DLGAP2: variants seen among roughly 807,000 people sequenced by gnomAD.
The protein encoded by DLGAP2 is disks large-associated protein 2.
Under a neutral mutation model 100.3 loss-of-function variants are expected in DLGAP2, and 26 were observed. The ratio of observed to expected loss-of-function variants is 0.26; its 90% CI spans 0.19 to 0.36. The LOEUF (loss-of-function observed/expected upper bound fraction) is 0.36, where lower values mean the gene tolerates loss of function less well. Among genes scored for constraint, DLGAP2 ranks in the 10% least tolerant of loss-of-function variants. The probability of loss-of-function intolerance (pLI) is 1.00; values close to 1 mark genes in which losing one functional copy is unlikely to be tolerated. For missense variants in DLGAP2, 1,858 were observed against 1,453.2 expected (o/e 1.28, Z -4.53); for synonymous variants, 886 against 630.1 (o/e 1.41, Z -6.08).
At chr8:1,313,797 C>G (rs1266053718) in intron 3 of DLGAP2, among the ~76,000 whole-genome samples, 1 of 152,044 alleles carries the variant, frequency 6.6e-6, no homozygotes. Context: ...GAGAAGGAAG[C>G]AAGATCCAAG....
chr8:747,368 C>T (rs972100546), intron 1 of DLGAP2, among the ~76,000 whole-genome samples: 12 of 152,142 alleles, frequency 7.9e-5, no homozygotes, highest in East Asian at 2.0e-4. Context: ...CCATGCTCCG[C>T]GCCAGTCACG....
At chr8:1,095,514 T>G (rs556781062) in intron 2 of DLGAP2, among the ~76,000 whole-genome samples, 1 of 152,312 alleles carries the variant, frequency 6.6e-6, no homozygotes, top group East Asian at 1.9e-4. Context: ...CCTGGTGACC[T>G]TTCTGAGCCC....
chr8:1,578,279 G>T (rs1428778298), intron 6 of DLGAP2, among the ~76,000 whole-genome samples: 2 of 152,146 alleles, frequency 1.3e-5, no homozygotes, highest in African/African-American at 4.8e-5. Flanking sequence ...CTGAACAATA[G>T]TTAAGAATGC....
intron 3 of DLGAP2, among the ~76,000 whole-genome samples, chr8:1,308,061 C>G (rs185544085): frequency 6.6e-6 from 1 of 152,214 alleles, no homozygotes; most frequent in Admixed American, 6.5e-5. Context: ...ACGCACAAAG[C>G]TGTGCATACA....
chr8:1,371,190 C>G (rs1157664907), intron 3 of DLGAP2, among the ~76,000 whole-genome samples: 1 of 152,234 alleles, frequency 6.6e-6, no homozygotes, highest in Non-Finnish European at 1.5e-5. Context: ...GTCCTGTATG[C>G]ATTAACAGTC....
chr8:1,359,332 AGGCC>A, intron 3 of DLGAP2, among the ~76,000 whole-genome samples: 1 of 152,316 alleles, frequency 6.6e-6, no homozygotes, highest in Admixed American at 6.5e-5. Context: ...ACCCAAAGAG[AGGCC>A]AGGCACTCCG....
chr8:1,696,033 G>GGTGAGGAATCGCAGAGCTGTCC lies in DLGAP2; in HGVS notation c.2797-1111_2797-1090dup, dbSNP rs1799390655. On this transcript the variant is annotated intron_variant, in intron 13 of 14. Coordinates refer to ENST00000637795, the MANE Select transcript of DLGAP2 (RefSeq NM_001346810.2). Reference sequence around the variant, plus strand: ...CTGGGGGCCCCAGGTCCTGGCTCTGGGTGAGGAATCGCAGAGCTGTCCGTT... The same window carrying GGTGAGGAATCGCAGAGCTGTCC: ...CTGGGGGCCCCAGGTCCTGGCTCTGGGTGAGGAATCGCAGAGCTGTCCGTGAGGAATCGCAGAGCTGTCCGTT... 2.6e-5 allele frequency among the ~76,000 whole-genome samples: 4 copies of GGTGAGGAATCGCAGAGCTGTCC among 152,328 alleles called. 1 individual carries two copies. In the South Asian group the frequency reaches 8.3e-4, roughly 32 times the overall value.
intron 2 of DLGAP2, among the ~76,000 whole-genome samples, chr8:945,602 G>A (rs1015249331): frequency 5.9e-5 from 9 of 152,066 alleles, no homozygotes; most frequent in African/African-American, 1.4e-4. Context: ...ACCACTTAAC[G>A]TGCATTTGTG....
chr8:1,521,330 C>G (rs1413453757), intron 4 of DLGAP2, among the ~76,000 whole-genome samples: 4 of 53,210 alleles, frequency 7.5e-5, no homozygotes, highest in African/African-American at 1.2e-4. Context: ...ACTCGGGCGG[C>G]AGGTGATATG....
intron 3 of DLGAP2, among the ~76,000 whole-genome samples, chr8:1,343,022 C>A (rs1286828624): frequency 6.6e-6 from 1 of 152,176 alleles, no homozygotes; most frequent in Non-Finnish European, 1.5e-5. Flanking sequence ...GAAATCTGTT[C>A]TTGCCACATT....
intron 2 of DLGAP2, among the ~76,000 whole-genome samples, chr8:1,076,456 C>T (rs57455330): frequency 0.046 from 6,988 of 152,206 alleles, 529 homozygotes; most frequent in African/African-American, 0.16. Context: ...AGGATGCTTT[C>T]GAAGTTCTTG....
intron 3 of DLGAP2, among the ~76,000 whole-genome samples, chr8:1,392,324 C>T (rs577600022): frequency 1.3e-5 from 2 of 152,112 alleles, no homozygotes; most frequent in South Asian, 2.1e-4. Flanking sequence ...GATCCAGGGT[C>T]GAGGTGCAGG....
intron 3 of DLGAP2, among the ~76,000 whole-genome samples, chr8:1,273,726 T>A (rs543335041): frequency 1.3e-5 from 2 of 152,340 alleles, no homozygotes; most frequent in Non-Finnish European, 2.9e-5. Flanking sequence ...TCAAAGGTGC[T>A]TCTAATGAAT....
chr8:1,363,491 C>T (rs1197401020), intron 3 of DLGAP2, among the ~76,000 whole-genome samples: 1 of 152,212 alleles, frequency 6.6e-6, no homozygotes, highest in African/African-American at 2.4e-5. Flanking sequence ...TGGCCTTGTC[C>T]ACAAAAAGCC....
chr8:1,299,370 A>C (rs976751333), intron 3 of DLGAP2, among the ~76,000 whole-genome samples: 3 of 152,236 alleles, frequency 2.0e-5, no homozygotes, highest in African/African-American at 7.2e-5. Context: ...TGAAATCTGG[A>C]AACAGATTCT....
chr8:1,377,315 C>A (rs1444448932), intron 3 of DLGAP2, among the ~76,000 whole-genome samples: 2 of 152,140 alleles, frequency 1.3e-5, no homozygotes, highest in Non-Finnish European at 2.9e-5. Flanking sequence ...GAGGCCGAGG[C>A]GGGCGAATCA....
intron 3 of DLGAP2, among the ~76,000 whole-genome samples, chr8:1,457,050 C>T (rs1396577668): frequency 2.0e-5 from 3 of 152,226 alleles, no homozygotes; most frequent in Non-Finnish European, 4.4e-5. Flanking sequence ...GGCTTCATTT[C>T]AATGTGGTCA....
chr8:1,576,490 A>G (rs1437601873), intron 6 of DLGAP2, among the ~76,000 whole-genome samples: 1 of 152,002 alleles, frequency 6.6e-6, no homozygotes, highest in Non-Finnish European at 1.5e-5. Flanking sequence ...CCATTTGTCA[A>G]TTTTTGCTTT....
chr8:1,429,523 A>C (rs1797347806), intron 3 of DLGAP2, among the ~76,000 whole-genome samples: 1 of 152,192 alleles, frequency 6.6e-6, no homozygotes, highest in African/African-American at 2.4e-5. Flanking sequence ...GTGTAAGCTG[A>C]AGATGACTTA....
Sources: gnomAD v4.1 joint callset for allele counts (sites outside exome capture counted in the v4.1 genomes callset) on GRCh38, gnomAD v4.1.1 for gene constraint, MANE v1.5 for transcripts, NCBI Gene and HGNC (gene_info 2026-07-23, HGNC 2026-07-21) for gene names.